The following FOXN2 variants were observed in gnomAD, a reference collection of about 807,000 sequenced individuals.
FOXN2 encodes the protein forkhead box protein N2.
A neutral mutation model predicts 41.2 loss-of-function variants in FOXN2; 19 were observed. That is an observed-to-expected ratio of 0.46 (90% CI 0.32 to 0.68). The LOEUF (loss-of-function observed/expected upper bound fraction) is 0.68. Ranked by LOEUF, FOXN2 falls within the 30% of genes least tolerant of loss-of-function variation. The pLI, the probability that FOXN2 is intolerant of heterozygous loss-of-function variation, is 0.03. For missense variants in FOXN2, 587 were observed against 509.4 expected (o/e 1.15, Z -1.47); for synonymous variants, 195 against 176.8 (o/e 1.10, Z -0.82).
At position 48,315,841 on chromosome 2, in the gene FOXN2, C is replaced by G. The variant is rs549941792; in HGVS notation, c.-157+1027C>G. Among the ~76,000 whole-genome samples, 23 of 152,340 alleles carry G rather than the reference C, an allele frequency of 1.5e-4. No individual in the cohort carries two copies. In the East Asian group the frequency reaches 4.4e-3, roughly 29 times the overall value. On this transcript the variant is annotated intron_variant, in intron 1 of 6. Transcript: ENST00000340553. ...TTGCACTGGATTTCTGCTTTAAAGT[C>G]TTTTTACAGCAGTCTCTGAACTTCA... is the stretch of plus-strand genomic sequence containing the variant.
chr2:48,366,042 AC>A (rs1275647166), intron 5 of FOXN2, among the ~76,000 whole-genome samples: 3 of 152,014 alleles, frequency 2.0e-5, no homozygotes, highest in Non-Finnish European at 4.4e-5. Flanking sequence ...TAGATGAGAG[AC>A]CCAGGCCCTG....
intron 5 of FOXN2, among the ~76,000 whole-genome samples, chr2:48,370,813 T>C (rs567364489): frequency 4.7e-4 from 71 of 152,292 alleles, no homozygotes; most frequent in Non-Finnish European, 7.6e-4. Context: ...TATAATTACG[T>C]TTATTTTTGC....
intron 1 of FOXN2, among the ~76,000 whole-genome samples, chr2:48,319,921 C>G (rs899992238): frequency 4.6e-5 from 7 of 151,170 alleles, no homozygotes; most frequent in African/African-American, 1.7e-4. Flanking sequence ...CATGAGCCAC[C>G]TCACCTGGCC....
chr2:48,336,213 G>A (rs763833054), intron 2 of FOXN2, among the ~76,000 whole-genome samples: 81 of 151,454 alleles, frequency 5.3e-4, no homozygotes, highest in Non-Finnish European at 9.9e-4. Flanking sequence ...AGACCAGCCT[G>A]GCCAACATGG....
intron 3 of FOXN2, among the ~76,000 whole-genome samples, chr2:48,347,893 T>C (rs1435640467): frequency 1.3e-5 from 2 of 152,218 alleles, no homozygotes; most frequent in Non-Finnish European, 2.9e-5. Context: ...TATTGTCTTC[T>C]GGCTCCCATA....
intron 2 of FOXN2, among the ~76,000 whole-genome samples, chr2:48,345,791 A>T (rs1671055962): frequency 6.6e-6 from 1 of 152,182 alleles, no homozygotes; most frequent in South Asian, 2.1e-4. Flanking sequence ...TCAAGATTCA[A>T]CTATTTGTAT....
chr2:48,335,033 C>T (rs190588508), intron 2 of FOXN2, among the ~76,000 whole-genome samples: 17 of 152,222 alleles, frequency 1.1e-4, no homozygotes, highest in African/African-American at 4.1e-4. Context: ...AACATATAAT[C>T]ATCATTATCA....
intron 2 of FOXN2, among the ~76,000 whole-genome samples, chr2:48,335,886 G>A (rs559157956): frequency 1.9e-4 from 29 of 152,090 alleles, no homozygotes; most frequent in African/African-American, 6.7e-4. Flanking sequence ...AAGTTAGCCA[G>A]GCGTGGTGGC....
intron 1 of FOXN2, among the ~76,000 whole-genome samples, chr2:48,316,931 G>A (rs1668955099): frequency 1.0e-5 from 1 of 96,878 alleles, no homozygotes; most frequent in Non-Finnish European, 2.0e-5. Flanking sequence ...CATAACAATG[G>A]TGCTCAATCA....
At chr2:48,328,259 A>T (rs1669809581) in intron 1 of FOXN2, among the ~76,000 whole-genome samples, 1 of 152,158 alleles carries the variant, frequency 6.6e-6, no homozygotes, top group Admixed American at 6.5e-5. Context: ...TTCAAGTGCA[A>T]TGTAGTCATC....
chr2:48,362,617 T>C (rs765999146), intron 4 of FOXN2, 26 bp from the exon 5 acceptor site: 1 of 1,596,748 alleles, frequency 6.3e-7, no homozygotes, highest in Admixed American at 1.7e-5. Context: ...TTTATAAGCA[T>C]ATTTGCTTTT....
At chr2:48,319,543 T>G (rs1669150051) in intron 1 of FOXN2, among the ~76,000 whole-genome samples, 1 of 151,964 alleles carries the variant, frequency 6.6e-6, no homozygotes, top group East Asian at 1.9e-4. Context: ...TAATTGAAAT[T>G]CTTTCTAAAA....
chr2:48,322,508 C>T (rs543545178), intron 1 of FOXN2, among the ~76,000 whole-genome samples: 10 of 152,236 alleles, frequency 6.6e-5, no homozygotes, highest in Admixed American at 3.9e-4. Context: ...CTCATGCTCA[C>T]GCTCACGCGG....
rs1673341065 is a variant in FOXN2 at position 48,377,757 on chromosome 2, A to G, written c.*2314A>G. ...TTTCTTAAACATAATTTAATGCATCACCTTCCACTTGCTAACATACCAAGT... is the reference window on the plus strand; with the variant it reads ...TTTCTTAAACATAATTTAATGCATCGCCTTCCACTTGCTAACATACCAAGT... On this transcript the variant is annotated 3_prime_UTR_variant, in exon 7 of 7. Coordinates refer to ENST00000340553, the MANE Select transcript of FOXN2 (RefSeq NM_002158.4). 6.6e-6 allele frequency: 1 copy of G among 152,092 alleles called. No individual in the cohort carries two copies. The highest frequency in any genetic ancestry group is 2.4e-5 in the African/African-American group (1 of 41,460). 9.4% of individuals were successfully genotyped at this position (152,092 alleles called of 1,614,324 possible).
intron 2 of FOXN2, among the ~76,000 whole-genome samples, chr2:48,338,199 A>G (rs1053150329): frequency 1.3e-5 from 2 of 152,202 alleles, no homozygotes; most frequent in South Asian, 2.1e-4. Context: ...TTTTCTCGAT[A>G]TCTCATCGAT....
intron 1 of FOXN2, among the ~76,000 whole-genome samples, chr2:48,319,007 G>A (rs1669113832): frequency 6.6e-6 from 1 of 152,174 alleles, no homozygotes; most frequent in Non-Finnish European, 1.5e-5. Flanking sequence ...TTCTTCCCGA[G>A]TAGATACATT....
chr2:48,325,312 G>C (rs751497500), intron 1 of FOXN2, among the ~76,000 whole-genome samples: 1 of 152,126 alleles, frequency 6.6e-6, no homozygotes, highest in Admixed American at 6.6e-5. Flanking sequence ...AAGATTAAAA[G>C]AGTTAATACT....
In FOXN2 at chr2:48,376,828, C is replaced by G. The variant is rs1673284239; in HGVS notation, c.*1385C>G. ...TGAAAGTTCAGTCTTATGCTACATC[C>G]TAAGTCATAGACAATGACCTTGTTT... On this transcript the variant is annotated 3_prime_UTR_variant, in exon 7 of 7. Transcript: ENST00000340553. The G allele has an allele frequency of 6.6e-6, 1 of 152,362 alleles. No individual in the cohort carries two copies. The highest frequency in any genetic ancestry group is 2.1e-4 in the South Asian group (1 of 4,822). The allele number at this position is 152,362 out of a possible 1,614,324, so 9.4% of individuals were successfully genotyped here.
At chr2:48,345,649 A>G (rs912177827) in intron 2 of FOXN2, among the ~76,000 whole-genome samples, 2 of 152,194 alleles carry the variant, frequency 1.3e-5, no homozygotes, top group African/African-American at 4.8e-5. Context: ...ATAATGAAAT[A>G]AAAATGTTAT....
Sources: gnomAD v4.1 joint callset for allele counts (sites outside exome capture counted in the v4.1 genomes callset) on GRCh38, gnomAD v4.1.1 for gene constraint, MANE v1.5 for transcripts, NCBI Gene and HGNC (gene_info 2026-07-23, HGNC 2026-07-21) for gene names.